RNLS: variants seen among roughly 807,000 people sequenced by gnomAD.
RNLS encodes the protein renalase, FAD dependent amine oxidase, also known as renalase.
Under a neutral mutation model 39.8 loss-of-function variants are expected in RNLS, and 39 were observed. The observed-to-expected ratio is 0.98, with a 90% CI of 0.76 to 1.28. RNLS has a LOEUF of 1.28. Ranked by LOEUF, RNLS falls within the 50% of genes most tolerant of loss-of-function variation. The probability of loss-of-function intolerance (pLI) is 0.00; values close to 1 mark genes in which losing one functional copy is unlikely to be tolerated. For missense variants in RNLS, 410 were observed against 413.3 expected, an observed-to-expected ratio of 0.99 and a Z score of 0.07; for synonymous variants, 147 against 150.7, an observed-to-expected ratio of 0.98 and a Z score of 0.18.
chr10:88,378,202 G>GCTAA (rs1016379079), intron 4 of RNLS, among the ~76,000 whole-genome samples: 8 of 151,446 alleles, frequency 5.3e-5, no homozygotes, highest in East Asian at 1.9e-4. Flanking sequence ...CCATTTTACA[G>GCTAA]CTAACTAAAA....
chr10:88,509,645 G>C (rs561755841), intron 4 of RNLS, among the ~76,000 whole-genome samples: 2 of 150,606 alleles, frequency 1.3e-5, no homozygotes, highest in East Asian at 3.9e-4. Context: ...AAAAATGAAA[G>C]ATTAGGAGAC....
At chr10:88,366,023 G>A (rs1850072510) in intron 4 of RNLS, among the ~76,000 whole-genome samples, 1 of 151,978 alleles carries the variant, frequency 6.6e-6, no homozygotes, top group South Asian at 2.1e-4. Flanking sequence ...TTTTCTAGAC[G>A]TGAAGGCTGT....
chr10:88,563,184 C>T (rs538078657), intron 4 of RNLS, among the ~76,000 whole-genome samples: 1 of 152,220 alleles, frequency 6.6e-6, no homozygotes, highest in Non-Finnish European at 1.5e-5. Flanking sequence ...AATATTCCAA[C>T]AGGAGTTTTT....
chr10:88,573,163 G>T, intron 3 of RNLS, 102 bp from the exon 4 acceptor site: 1 of 1,099,666 alleles, frequency 9.1e-7, no homozygotes, highest in Non-Finnish European at 1.3e-6. Context: ...GAACAAAATG[G>T]CCAAGACTGT....
intron 4 of RNLS, among the ~76,000 whole-genome samples, chr10:88,427,989 T>A (rs1854900373): frequency 6.6e-6 from 1 of 151,720 alleles, no homozygotes; most frequent in African/African-American, 2.4e-5. Flanking sequence ...GGAAATCAAC[T>A]CTCTGTTTCT....
chr10:88,339,370 A>G (rs1475982859), intron 5 of RNLS, among the ~76,000 whole-genome samples: 2 of 152,184 alleles, frequency 1.3e-5, no homozygotes, highest in African/African-American at 4.8e-5. Flanking sequence ...TGTGTTGCAG[A>G]GTAGGTGGTG....
chr10:88,478,469 A>G (rs954498195), intron 4 of RNLS, among the ~76,000 whole-genome samples: 3 of 152,114 alleles, frequency 2.0e-5, no homozygotes, highest in African/African-American at 4.8e-5. Context: ...CTCACTACCT[A>G]TCATCTCAAG....
chr10:88,345,704 A>C (rs557625717), intron 5 of RNLS, among the ~76,000 whole-genome samples: 1 of 152,252 alleles, frequency 6.6e-6, no homozygotes, highest in South Asian at 2.1e-4. Context: ...TCTTTATAAC[A>C]TTTCTGGGAG....
intron 4 of RNLS, among the ~76,000 whole-genome samples, chr10:88,421,848 G>A (rs1253762527): frequency 6.6e-6 from 1 of 151,948 alleles, no homozygotes; most frequent in Non-Finnish European, 1.5e-5. Context: ...CTTCCACCTA[G>A]AACATTCTTT....
intron 5 of RNLS, among the ~76,000 whole-genome samples, chr10:88,328,810 C>T (rs541280945): frequency 2.0e-4 from 30 of 152,158 alleles, no homozygotes; most frequent in African/African-American, 7.0e-4. Flanking sequence ...TCATGAAAAG[C>T]GTCTTTCTTG....
intron 4 of RNLS, among the ~76,000 whole-genome samples, chr10:88,524,006 C>G (rs1846925014): frequency 6.6e-6 from 1 of 152,132 alleles, no homozygotes; most frequent in South Asian, 2.1e-4. Context: ...GTACTGTTGA[C>G]TGTGCTAAAC....
chr10:88,320,953 A>T (rs1053250897), intron 5 of RNLS, among the ~76,000 whole-genome samples: 5 of 151,150 alleles, frequency 3.3e-5, no homozygotes, highest in Non-Finnish European at 5.9e-5. Context: ...AAATGGACCC[A>T]GTAAACACCA....
intron 6 of RNLS, among the ~76,000 whole-genome samples, chr10:88,298,599 C>G (rs1844263904): frequency 6.6e-6 from 1 of 152,144 alleles, no homozygotes; most frequent in African/African-American, 2.4e-5. Flanking sequence ...TATTCTTTCT[C>G]CATTGAATGT....
chr10:88,255,080 C>G, the RNLS span, among the ~76,000 whole-genome samples: 4 of 152,160 alleles, frequency 2.6e-5, no homozygotes, highest in Admixed American at 6.5e-5. Flanking sequence ...TGTTTGGTAC[C>G]TCGGATGGGC....
chr10:88,447,393 T>G (rs1842099519), intron 4 of RNLS, among the ~76,000 whole-genome samples: 1 of 152,190 alleles, frequency 6.6e-6, no homozygotes, highest in South Asian at 2.1e-4. Flanking sequence ...AAAGCATGAA[T>G]GAACTCCCAT....
chr10:88,365,509 A>G (rs1270889412), intron 4 of RNLS, among the ~76,000 whole-genome samples: 2 of 121,458 alleles, frequency 1.6e-5, no homozygotes, highest in Admixed American at 1.8e-4. Flanking sequence ...AGCCAATAGG[A>G]TTATATAACA....
rs572177482 is a variant in RNLS at position 88,545,758 on chromosome 10, C to T, written c.526+27145G>A. Among the ~76,000 whole-genome samples the T allele has an allele frequency of 2.2e-4, 33 of 152,312 alleles. 2 individuals are homozygous for T. The highest frequency in any genetic ancestry group is 6.8e-3 in the Middle Eastern group (2 of 294). ...TTGACAGTTTAGTTCTCAGGAACTA[C>T]ATTATCTCAAAAGATAATTTTTCAT... On this transcript the variant is annotated intron_variant, in intron 4 of 6. Transcript: ENST00000331772.
intron 4 of RNLS, among the ~76,000 whole-genome samples, chr10:88,422,020 G>T (rs1466915875): frequency 5.3e-5 from 8 of 152,208 alleles, no homozygotes; most frequent in Non-Finnish European, 4.4e-5. Flanking sequence ...GGGCAAGGTT[G>T]TGTTGGTTTT....
the RNLS span, among the ~76,000 whole-genome samples, chr10:88,200,742 G>A: frequency 1.3e-5 from 2 of 152,148 alleles, no homozygotes; most frequent in Admixed American, 6.6e-5. Flanking sequence ...GATTATTCAC[G>A]GTAAAGAATT....
Sources: gnomAD v4.1 joint callset for allele counts (sites outside exome capture counted in the v4.1 genomes callset) on GRCh38, gnomAD v4.1.1 for gene constraint, MANE v1.5 for transcripts, NCBI Gene and HGNC (gene_info 2026-07-23, HGNC 2026-07-21) for gene names.